Variants in ARHGEF3 observed in about 807,000 individuals in gnomAD.
The protein encoded by ARHGEF3 is Rho guanine nucleotide exchange factor 3, also known as 59.8 kDA protein.
Under a neutral mutation model 63.2 loss-of-function variants are expected in ARHGEF3, and 28 were observed. The observed-to-expected ratio is 0.44, with a 90% CI of 0.33 to 0.61. The LOEUF (loss-of-function observed/expected upper bound fraction) is 0.61. Ranked by LOEUF, ARHGEF3 falls within the 20% of genes least tolerant of loss-of-function variation. The pLI is 0.03. For synonymous variants in ARHGEF3, 266 were observed against 254.2 expected, an observed-to-expected ratio of 1.05 and a Z score of -0.44; for missense variants, 533 against 659.3, an observed-to-expected ratio of 0.81 and a Z score of 2.10.
rs2033186339 is a variant in ARHGEF3 at position 56,731,875 on chromosome 3, C to A, written c.1228+363G>T. On this transcript the variant is annotated intron_variant, in intron 9 of 9. Transcript: ENST00000296315. The stretch of plus-strand genomic sequence containing the variant: ...TTTACCAGTTCAGCTGCAAAACCCA[C>A]CATAACGCAACTGGCATCCATGTAG... 1.5e-5 allele frequency: 6 copies of A among 392,262 alleles called. No individual in the cohort carries two copies. In the South Asian group the frequency reaches 2.6e-4, roughly 17 times the overall value. The allele number at this position is 392,262 out of a possible 1,614,324, so 24.3% of individuals were successfully genotyped here.
chr3:56,886,678 C>T (rs1234696388), intron 3 of ARHGEF3, among the ~76,000 whole-genome samples: 1 of 152,146 alleles, frequency 6.6e-6, no homozygotes, highest in African/African-American at 2.4e-5. Flanking sequence ...AAGCTTTAGC[C>T]TATTGAACGC....
upstream of ARHGEF3, among the ~76,000 whole-genome samples, chr3:56,803,452 A>AAAAAAAGAAAAGG (rs2107977562): frequency 6.6e-6 from 1 of 151,888 alleles, no homozygotes; most frequent in South Asian, 2.1e-4. Flanking sequence ...AAAAGAAAAG[A>AAAAAAAGAAAAGG]AAAAAAGAAA....
chr3:56,988,505 T>G (rs1435377716), intron 2 of ARHGEF3, among the ~76,000 whole-genome samples: 1 of 152,124 alleles, frequency 6.6e-6, no homozygotes, highest in Non-Finnish European at 1.5e-5. Flanking sequence ...AAGAGCACAA[T>G]AAATGTCACC....
chr3:57,042,205 C>A (rs1478093078), intron 1 of ARHGEF3, among the ~76,000 whole-genome samples: 1 of 152,072 alleles, frequency 6.6e-6, no homozygotes, highest in Non-Finnish European at 1.5e-5. Flanking sequence ...AGGAGACATA[C>A]CCTATGAAAA....
intron 1 of ARHGEF3, among the ~76,000 whole-genome samples, chr3:57,065,432 G>A (rs1280520867): frequency 2.6e-5 from 4 of 151,940 alleles, no homozygotes; most frequent in African/African-American, 9.7e-5. Context: ...CTGCACTCCA[G>A]CCTGGGCAAC....
At chr3:56,926,216 C>T (rs756005155) in intron 3 of ARHGEF3, among the ~76,000 whole-genome samples, 4 of 152,010 alleles carry the variant, frequency 2.6e-5, no homozygotes, top group Non-Finnish European at 5.9e-5. Flanking sequence ...GGGGGGTCAG[C>T]GCAAAGGTGA....
At chr3:57,020,086 C>T (rs6799727) in intron 2 of ARHGEF3, among the ~76,000 whole-genome samples, 48,836 of 151,984 alleles carry the variant, frequency 0.32, 8,075 homozygotes, top group African/African-American at 0.38. Context: ...TTAGTAGAAA[C>T]GGAGTTTCAC....
intron 3 of ARHGEF3, among the ~76,000 whole-genome samples, chr3:56,938,166 A>C (rs920051554): frequency 1.3e-5 from 2 of 152,168 alleles, no homozygotes; most frequent in African/African-American, 4.8e-5. Context: ...ACAGTCATGC[A>C]CAAAAAAGCT....
intron 3 of ARHGEF3, among the ~76,000 whole-genome samples, chr3:56,891,597 T>C (rs74770006): frequency 1.8e-3 from 272 of 152,306 alleles, no homozygotes; most frequent in African/African-American, 6.2e-3. Context: ...TACATCTTAG[T>C]TAAGCCATTT....
intron 4 of ARHGEF3, among the ~76,000 whole-genome samples, chr3:56,857,336 G>A (rs2039921455): frequency 6.6e-6 from 1 of 152,106 alleles, no homozygotes; most frequent in South Asian, 2.1e-4. Context: ...CAATCTTCAT[G>A]GCATTCCTCC....
chr3:56,915,381 G>A (rs1414779795), intron 3 of ARHGEF3, among the ~76,000 whole-genome samples: 1 of 152,130 alleles, frequency 6.6e-6, no homozygotes, highest in Non-Finnish European at 1.5e-5. Flanking sequence ...CAAGAGGACT[G>A]CTTGAGCCCG....
intron 4 of ARHGEF3, among the ~76,000 whole-genome samples, chr3:56,834,711 C>G (rs1387362122): frequency 6.8e-6 from 1 of 147,974 alleles, no homozygotes; most frequent in South Asian, 2.1e-4. Flanking sequence ...TGCCATTGCA[C>G]TCCAGCCTGG....
At chr3:56,741,184 CTTTTTTTTTTT>C (rs10662620) in intron 7 of ARHGEF3, among the ~76,000 whole-genome samples, 1 of 128,872 alleles carries the variant, frequency 7.8e-6, no homozygotes, top group African/African-American at 2.9e-5. Context: ...TGCTTTGGTT[CTTTTTTTTTTT>C]TTTTTTGGAG....
At chr3:56,872,952 A>G (rs974659761) in intron 4 of ARHGEF3, among the ~76,000 whole-genome samples, 1 of 152,180 alleles carries the variant, frequency 6.6e-6, no homozygotes, top group Non-Finnish European at 1.5e-5. Flanking sequence ...TGCTCACGAT[A>G]GGCCAGGTAC....
chr3:57,074,261 T>C, intron 1 of ARHGEF3: 1 of 1,607,416 alleles, frequency 6.2e-7, no homozygotes, highest in South Asian at 1.1e-5. Flanking sequence ...TACACACACA[T>C]CTGTAATCAA....
chr3:56,881,311 C>T (rs926383309), intron 4 of ARHGEF3, among the ~76,000 whole-genome samples: 1 of 152,124 alleles, frequency 6.6e-6, no homozygotes, highest in South Asian at 2.1e-4. Flanking sequence ...ATGGTCTCCA[C>T]AGAGGAGAGC....
intron 3 of ARHGEF3, among the ~76,000 whole-genome samples, chr3:56,939,110 A>G (rs1699050623): frequency 6.6e-6 from 1 of 152,156 alleles, no homozygotes; most frequent in Admixed American, 6.6e-5. Flanking sequence ...AGTGGGCCAC[A>G]CTCACTGTGA....
chr3:57,002,449 A>ATAT (rs1560122538), intron 2 of ARHGEF3, among the ~76,000 whole-genome samples: 3 of 82,466 alleles, frequency 3.6e-5, no homozygotes, highest in African/African-American at 1.4e-4. Flanking sequence ...TATGCCAGGC[A>ATAT]CTGTTCTAAG....
intron 1 of ARHGEF3, among the ~76,000 whole-genome samples, chr3:57,036,474 T>C (rs1703966996): frequency 6.6e-6 from 1 of 152,160 alleles, no homozygotes; most frequent in South Asian, 2.1e-4. Context: ...TCCCACTATT[T>C]CGCTTCCTGA....
Sources: gnomAD v4.1 joint callset for allele counts (sites outside exome capture counted in the v4.1 genomes callset) on GRCh38, gnomAD v4.1.1 for gene constraint, MANE v1.5 for transcripts, NCBI Gene and HGNC (gene_info 2026-07-23, HGNC 2026-07-21) for gene names.